PCDH7: variants seen among roughly 807,000 people sequenced by gnomAD.
PCDH7 encodes the protein protocadherin-7.
Under a neutral mutation model 58.9 loss-of-function variants are expected in PCDH7, and 17 were observed. That is an observed-to-expected ratio of 0.29 (90% CI 0.20 to 0.43). PCDH7 has a LOEUF of 0.43. Ranked by LOEUF, PCDH7 falls within the 20% of genes least tolerant of loss-of-function variation. PCDH7 has a pLI of 1.00. For synonymous variants in PCDH7, 664 were observed against 616.4 expected (o/e 1.08, Z -1.14); for missense variants, 1,274 against 1,441.0 (o/e 0.88, Z 1.88).
intron 1 of PCDH7, among the ~76,000 whole-genome samples, chr4:30,755,871 G>C (rs1719224434): frequency 6.6e-6 from 1 of 152,022 alleles, no homozygotes. Context: ...AGGAGGTCAA[G>C]AGATCAAGAC....
intron 3 of PCDH7, among the ~76,000 whole-genome samples, chr4:31,010,273 A>G (rs1753072644): frequency 6.6e-6 from 1 of 152,022 alleles, no homozygotes; most frequent in African/African-American, 2.4e-5. Flanking sequence ...TAGAAACTTA[A>G]TGAAAATCAA....
intron 3 of PCDH7, among the ~76,000 whole-genome samples, chr4:31,044,452 G>A (rs1042527857): frequency 6.6e-6 from 1 of 151,770 alleles, no homozygotes; most frequent in South Asian, 2.1e-4. Context: ...TTTTTTAAGT[G>A]TAATTATCAG....
intron 1 of PCDH7, among the ~76,000 whole-genome samples, chr4:30,770,438 A>G (rs926717205): frequency 6.6e-6 from 1 of 152,160 alleles, no homozygotes; most frequent in African/African-American, 2.4e-5. Context: ...TCTTGGCCCT[A>G]TTACCCAATA....
intron 1 of PCDH7, among the ~76,000 whole-genome samples, chr4:30,836,577 G>A (rs1242213590): frequency 7.2e-5 from 11 of 152,132 alleles, no homozygotes; most frequent in Non-Finnish European, 1.3e-4. Context: ...TTTTTTCATA[G>A]CAACATTTAC....
chr4:30,973,591 G>T (rs1000094261), intron 3 of PCDH7, among the ~76,000 whole-genome samples: 6 of 152,162 alleles, frequency 3.9e-5, no homozygotes, highest in Non-Finnish European at 8.8e-5. Context: ...AAGCAGGGAG[G>T]ATAATGATGG....
At chr4:30,757,638 T>C (rs1480863637) in intron 1 of PCDH7, among the ~76,000 whole-genome samples, 1 of 152,230 alleles carries the variant, frequency 6.6e-6, no homozygotes, top group Admixed American at 6.5e-5. Context: ...TGTCACTTCC[T>C]ATGCAATGCT....
Position 30,766,829 on chromosome 4 carries a change from AT to A in PCDH7, c.70+42238del, listed in dbSNP as rs537322854. 9.2e-5 allele frequency among the ~76,000 whole-genome samples: 14 copies of A among 152,214 alleles called. No homozygotes were observed. The South Asian group carries it at 1.5e-3, about 16-fold the overall frequency. On this transcript the variant is annotated intron_variant, in intron 1 of 3. Coordinates refer to the PCDH7 transcript ENST00000509759. ...ATTTATTTGTATTATAGTTACTGTC[AT>A]TTTTATCACAGTCTCTTCAAATTGC...
intron 3 of PCDH7, among the ~76,000 whole-genome samples, chr4:31,006,342 C>T (rs1165566292): frequency 6.6e-6 from 1 of 151,986 alleles, no homozygotes; most frequent in African/African-American, 2.4e-5. Context: ...AAATGATTAA[C>T]CTAATTTTGA....
chr4:30,933,070 AGGCTGGAGTGCAGT>A (rs1744861114), intron 2 of PCDH7, among the ~76,000 whole-genome samples: 1 of 150,764 alleles, frequency 6.6e-6, no homozygotes, highest in Admixed American at 6.6e-5. Flanking sequence ...CTCTGTCGCC[AGGCTGGAGTGCAGT>A]GGCCTGATCT....
At chr4:30,917,266 C>T (rs1334448951) in intron 1 of PCDH7, among the ~76,000 whole-genome samples, 1 of 152,062 alleles carries the variant, frequency 6.6e-6, no homozygotes, top group Non-Finnish European at 1.5e-5. Context: ...TAAATCTTAA[C>T]TCTTGCATCA....
At chr4:30,773,946 C>T (rs1037328912) in intron 1 of PCDH7, among the ~76,000 whole-genome samples, 1 of 152,106 alleles carries the variant, frequency 6.6e-6, no homozygotes, top group Non-Finnish European at 1.5e-5. Context: ...AGGAATGGGC[C>T]ATCCCATATT....
chr4:30,979,162 G>T (rs752945599), intron 3 of PCDH7, among the ~76,000 whole-genome samples: 2 of 151,158 alleles, frequency 1.3e-5, no homozygotes, highest in Non-Finnish European at 3.0e-5. Context: ...CTGTCTCTAC[G>T]AAAAATATAA....
At chr4:30,888,880 AAT>A (rs149461313) in intron 1 of PCDH7, among the ~76,000 whole-genome samples, 25,940 of 151,814 alleles carry the variant, frequency 0.17, 2,283 homozygotes, top group African/African-American at 0.21. Context: ...GTTTGTTAAT[AAT>A]ATATATATTT....
chr4:31,023,537 C>T (rs917066342), intron 3 of PCDH7, among the ~76,000 whole-genome samples: 1 of 152,254 alleles, frequency 6.6e-6, no homozygotes, highest in Admixed American at 6.5e-5. Flanking sequence ...GAGAATTCCT[C>T]ATTTGCAGGA....
At chr4:31,083,538 A>G (rs1711900704) in intron 3 of PCDH7, among the ~76,000 whole-genome samples, 1 of 151,896 alleles carries the variant, frequency 6.6e-6, no homozygotes, top group Non-Finnish European at 1.5e-5. Flanking sequence ...CTTAAAAAGT[A>G]AAAAAAACTA....
At chr4:30,875,196 C>T (rs1162381219) in intron 1 of PCDH7, among the ~76,000 whole-genome samples, 2 of 152,040 alleles carry the variant, frequency 1.3e-5, no homozygotes, top group East Asian at 1.9e-4. Context: ...TGTTCCGAAC[C>T]TCTCTTCTTG....
rs896072924 is a variant in PCDH7, at chr4:31,142,946, G to A, written c.*481G>A. The A allele has an allele frequency of 4.3e-6, 4 of 935,666 alleles. No individual in the cohort carries two copies. In the African/African-American group the frequency reaches 6.9e-5, roughly 16 times the overall value. The allele number at this position is 935,666 out of a possible 1,614,324, so 58.0% of individuals were successfully genotyped here. ...CAAAACGTTTAATCACAAAGAGGGG[G>A]CTACCAAAGAGACAAAGCTTTGCCT... On this transcript the variant is annotated 3_prime_UTR_variant, in exon 4 of 4. Coordinates refer to the PCDH7 transcript ENST00000509759.
intron 1 of PCDH7, among the ~76,000 whole-genome samples, chr4:30,778,191 C>T (rs1266852376): frequency 6.6e-6 from 1 of 151,816 alleles, no homozygotes; most frequent in Non-Finnish European, 1.5e-5. Context: ...AAAAAGTGAG[C>T]AGAGAACAAA....
chr4:30,724,716 A>G, intron 1 of PCDH7, 120 bp downstream of exon 1: 1 of 1,451,672 alleles, frequency 6.9e-7, no homozygotes, highest in Non-Finnish European at 9.1e-7. Context: ...TAACAGTAGG[A>G]ATTTAATGTT....
Sources: gnomAD v4.1 joint callset for allele counts (sites outside exome capture counted in the v4.1 genomes callset) on GRCh38, gnomAD v4.1.1 for gene constraint, MANE v1.5 for transcripts, NCBI Gene and HGNC (gene_info 2026-07-23, HGNC 2026-07-21) for gene names.